The following ENOX1 variants were observed in gnomAD, a reference collection of about 807,000 sequenced individuals.
The protein encoded by ENOX1 is candidate growth-related and time keeping constitutive hydroquinone (NADH) oxidase.
A neutral mutation model predicts 82.5 loss-of-function variants in ENOX1; 42 were observed. The observed-to-expected ratio is 0.51, with a 90% confidence interval of 0.40 to 0.66. ENOX1 has a LOEUF of 0.66. Ranked by LOEUF, ENOX1 falls within the 30% of genes least tolerant of loss-of-function variation. The pLI is 0.00. For missense variants in ENOX1, 608 were observed against 811.6 expected (o/e 0.75, Z 3.05); for synonymous variants, 271 against 282.2 (o/e 0.96, Z 0.40).
At chr13:43,443,746 C>T (rs970533528) in intron 3 of ENOX1, among the ~76,000 whole-genome samples, 7 of 152,014 alleles carry the variant, frequency 4.6e-5, no homozygotes, top group Non-Finnish European at 1.0e-4. Flanking sequence ...GGAAGCTCAC[C>T]CGAGGAGGTG....
chr13:43,378,678 A>G (rs952338829), intron 5 of ENOX1, among the ~76,000 whole-genome samples: 7 of 152,188 alleles, frequency 4.6e-5, no homozygotes, highest in African/African-American at 1.7e-4. Flanking sequence ...AAAAGGTTCA[A>G]CTGCTTCCCA....
intron 14 of ENOX1, among the ~76,000 whole-genome samples, chr13:43,247,904 G>T (rs1593518957): frequency 1.1e-3 from 12 of 10,496 alleles, no homozygotes; most frequent in East Asian, 8.2e-3. Context: ...TTTTTTTTTT[G>T]AGACGGAGTC....
intron 1 of ENOX1, among the ~76,000 whole-genome samples, chr13:43,735,348 T>C (rs1347473558): frequency 6.6e-6 from 1 of 152,128 alleles, no homozygotes; most frequent in Non-Finnish European, 1.5e-5. Context: ...TTTACCAAAC[T>C]GAGACAAACA....
intron 1 of ENOX1, among the ~76,000 whole-genome samples, chr13:43,693,159 G>A (rs2086457460): frequency 6.6e-6 from 1 of 152,052 alleles, no homozygotes; most frequent in Non-Finnish European, 1.5e-5. Flanking sequence ...ATCTCTAAGA[G>A]GTGGAACTAT....
intron 16 of ENOX1, among the ~76,000 whole-genome samples, chr13:43,215,959 G>A (rs2153448095): frequency 6.6e-6 from 1 of 152,346 alleles, no homozygotes; most frequent in South Asian, 2.1e-4. Context: ...CATTTGGGGA[G>A]GCCGAGGTGG....
At chr13:43,667,727 T>C (rs917504747) in intron 1 of ENOX1, among the ~76,000 whole-genome samples, 183 bp from the exon 2 acceptor site, 1 of 152,216 alleles carries the variant, frequency 6.6e-6, no homozygotes, top group Admixed American at 6.5e-5. Flanking sequence ...TGGTGCTAAC[T>C]TGGTAACAAT....
intron 8 of ENOX1, among the ~76,000 whole-genome samples, chr13:43,349,824 T>C (rs1213290525): frequency 6.6e-6 from 1 of 152,202 alleles, no homozygotes; most frequent in Non-Finnish European, 1.5e-5. Context: ...CTAGAGACTT[T>C]CAAAAGGAAT....
intron 2 of ENOX1, among the ~76,000 whole-genome samples, chr13:43,660,603 T>C (rs1053061351): frequency 1.3e-5 from 2 of 152,144 alleles, no homozygotes; most frequent in African/African-American, 2.4e-5. Context: ...GAAATAAAAA[T>C]ATGTCTCTAT....
intron 2 of ENOX1, among the ~76,000 whole-genome samples, chr13:43,533,166 G>C (rs2078304147): frequency 6.6e-6 from 1 of 152,112 alleles, no homozygotes; most frequent in Non-Finnish European, 1.5e-5. Flanking sequence ...TGAGAAATGT[G>C]CACCCGGTGA....
intron 2 of ENOX1, among the ~76,000 whole-genome samples, chr13:43,593,561 C>T (rs1317307131): frequency 6.6e-6 from 1 of 151,734 alleles, no homozygotes; most frequent in Non-Finnish European, 1.5e-5. Flanking sequence ...TCGTACTCAG[C>T]AGGAATTCGA....
At chr13:43,662,507 T>C (rs571579680) in intron 2 of ENOX1, among the ~76,000 whole-genome samples, 29 of 152,298 alleles carry the variant, frequency 1.9e-4, no homozygotes, top group Non-Finnish European at 3.1e-4. Context: ...GTTTAACTGA[T>C]TTTCAAACTG....
rs2048025776 is a variant in ENOX1, at chr13:43,324,966, C to G, written c.1143+1453G>C. 2.6e-5 allele frequency among the ~76,000 whole-genome samples: 4 copies of G among 152,198 alleles called. No homozygotes were observed. In the South Asian group the frequency reaches 6.2e-4, roughly 24 times the overall value. ...GCCACCAGCCTTTCTCTCAACATTCCTTTTAATCATGTTTGGTTTTTATGT... is the reference window on the plus strand; with the variant it reads ...GCCACCAGCCTTTCTCTCAACATTCGTTTTAATCATGTTTGGTTTTTATGT... On this transcript the variant is annotated intron_variant, in intron 10 of 16. Transcript: ENST00000690772.
intron 12 of ENOX1, among the ~76,000 whole-genome samples, chr13:43,275,966 G>A (rs931854690): frequency 6.6e-6 from 1 of 152,094 alleles, no homozygotes; most frequent in African/African-American, 2.4e-5. Flanking sequence ...ATCATAACTT[G>A]TTCCACTTAT....
chr13:43,419,553 T>TA lies in ENOX1; in HGVS notation c.-74-6566dup, dbSNP rs562410523. ...TGGGCAACAGATTGAGTCCCTGTCT[T>TA]AAAAAAAGACAAAACAAAACCAAAA... On this transcript the variant is annotated intron_variant, in intron 3 of 16. Coordinates refer to ENST00000690772, the MANE Select transcript of ENOX1 (RefSeq NM_001347969.2). Among the ~76,000 whole-genome samples, 1,115 of 151,778 alleles carry TA rather than the reference T, an allele frequency of 7.3e-3. 41 individuals carry two copies. The highest frequency in any genetic ancestry group is 0.053 in the Admixed American group (814 of 15,238).
At chr13:43,261,989 T>TA (rs541865240) in intron 14 of ENOX1, among the ~76,000 whole-genome samples, 70 of 147,558 alleles carry the variant, frequency 4.7e-4, no homozygotes, top group East Asian at 9.8e-4. Flanking sequence ...TAAAGTATAA[T>TA]AAAAAAAAAA....
chr13:43,440,566 C>G (rs1566225498), intron 3 of ENOX1, among the ~76,000 whole-genome samples: 1 of 152,124 alleles, frequency 6.6e-6, no homozygotes, highest in Non-Finnish European at 1.5e-5. Flanking sequence ...ATTTGCCAAG[C>G]AACTACTATC....
At chr13:43,331,932 C>A (rs2048430368) in intron 9 of ENOX1, among the ~76,000 whole-genome samples, 1 of 152,138 alleles carries the variant, frequency 6.6e-6, no homozygotes, top group South Asian at 2.1e-4. Flanking sequence ...GCCCAGGAAA[C>A]AGAGAATGAA....
At chr13:43,781,277 G>A (rs1952241484) in intron 1 of ENOX1, among the ~76,000 whole-genome samples, 1 of 152,120 alleles carries the variant, frequency 6.6e-6, no homozygotes, top group African/African-American at 2.4e-5. Flanking sequence ...GAGAGATGAT[G>A]CATTAATTCC....
chr13:43,370,203 T>G (rs945733683), intron 5 of ENOX1, among the ~76,000 whole-genome samples: 7 of 151,980 alleles, frequency 4.6e-5, no homozygotes, highest in African/African-American at 1.7e-4. Context: ...CCATCTCTGC[T>G]AAAAGTACAA....
Sources: allele counts gnomAD v4.1 joint callset (sites outside exome capture counted in the v4.1 genomes callset), GRCh38; gene constraint gnomAD v4.1.1; transcripts MANE v1.5; gene names NCBI Gene and HGNC (gene_info 2026-07-23, HGNC 2026-07-21).